The following GSG1L variants were observed in gnomAD, a reference collection of about 807,000 sequenced individuals.
GSG1L encodes GSG1 like, also known as germ cell-specific gene 1-like protein.
Under a neutral mutation model 42.1 loss-of-function variants are expected in GSG1L, and 24 were observed. That is an observed-to-expected ratio of 0.57 (90% CI 0.41 to 0.80). GSG1L has a LOEUF of 0.80. GSG1L is among the 30% of genes least tolerant of loss of function. The pLI is 0.00. For synonymous variants in GSG1L, 215 were observed against 203.5 expected, an observed-to-expected ratio of 1.06 and a Z score of -0.48; for missense variants, 445 against 472.2, an observed-to-expected ratio of 0.94 and a Z score of 0.53.
At chr16:27,943,028 G>A (rs1431662614) in intron 2 of GSG1L, among the ~76,000 whole-genome samples, 1 of 152,116 alleles carries the variant, frequency 6.6e-6, no homozygotes, top group African/African-American at 2.4e-5. Context: ...TGGGACTTGA[G>A]AATTTGCAGA....
intron 1 of GSG1L, among the ~76,000 whole-genome samples, chr16:28,060,639 C>T (rs541685675): frequency 2.0e-5 from 3 of 152,292 alleles, no homozygotes; most frequent in East Asian, 3.9e-4. Flanking sequence ...TCCGCGATCC[C>T]TTCACTCTGA....
intron 6 of GSG1L, among the ~76,000 whole-genome samples, chr16:27,791,701 T>C (rs191018463): frequency 3.3e-4 from 50 of 152,116 alleles, no homozygotes; most frequent in African/African-American, 1.1e-3. Flanking sequence ...CCTAGTCATG[T>C]ATCTGCCAAT....
chr16:27,837,618 C>T (rs752538171), intron 4 of GSG1L, among the ~76,000 whole-genome samples: 5 of 152,364 alleles, frequency 3.3e-5, no homozygotes. Context: ...GACACAATCC[C>T]TGCAGGGAGA....
chr16:27,892,901 T>G (rs2084145504), intron 2 of GSG1L, among the ~76,000 whole-genome samples: 1 of 152,080 alleles, frequency 6.6e-6, no homozygotes, highest in Admixed American at 6.6e-5. Flanking sequence ...TAATTAAACA[T>G]TCGGGAACCA....
chr16:28,029,759 G>A (rs1011853042), intron 1 of GSG1L, among the ~76,000 whole-genome samples: 4 of 152,206 alleles, frequency 2.6e-5, no homozygotes, highest in Admixed American at 1.3e-4. Flanking sequence ...ATGGATGATG[G>A]ATGAGCAATG....
chr16:27,928,697 C>T (rs2084624310), intron 2 of GSG1L, among the ~76,000 whole-genome samples: 1 of 152,158 alleles, frequency 6.6e-6, no homozygotes, highest in Non-Finnish European at 1.5e-5. Context: ...GCCAAGCAGG[C>T]CCAGGCCTCG....
chr16:27,934,204 A>T (rs1425139091), intron 2 of GSG1L, among the ~76,000 whole-genome samples: 2 of 152,206 alleles, frequency 1.3e-5, no homozygotes, highest in East Asian at 1.9e-4. Flanking sequence ...ATAAATGTAC[A>T]GGGCAGGAAA....
chr16:27,984,259 G>A (rs184105360), intron 1 of GSG1L, among the ~76,000 whole-genome samples: 12 of 152,264 alleles, frequency 7.9e-5, no homozygotes, highest in Non-Finnish European at 1.6e-4. Context: ...CCTTGGAGGT[G>A]GGTTTGCATA....
At chr16:27,994,496 G>C (rs1477937473) in intron 1 of GSG1L, among the ~76,000 whole-genome samples, 2 of 152,076 alleles carry the variant, frequency 1.3e-5, no homozygotes, top group African/African-American at 2.4e-5. Flanking sequence ...CAAAAAGAAA[G>C]AAAGACCACA....
At chr16:28,010,085 G>A (rs1337087131) in intron 1 of GSG1L, among the ~76,000 whole-genome samples, 1 of 152,182 alleles carries the variant, frequency 6.6e-6, no homozygotes, top group Non-Finnish European at 1.5e-5. Flanking sequence ...GGCTTTGCAC[G>A]CGTGAGGAAG....
intron 5 of GSG1L, among the ~76,000 whole-genome samples, chr16:27,810,535 C>T (rs1883070873): frequency 6.6e-6 from 1 of 152,106 alleles, no homozygotes; most frequent in African/African-American, 2.4e-5. Context: ...AGGGGCTAGG[C>T]CTGTACTTCC....
At chr16:27,960,135 G>A (rs550278560) in intron 2 of GSG1L, among the ~76,000 whole-genome samples, 3 of 152,270 alleles carry the variant, frequency 2.0e-5, no homozygotes, top group Admixed American at 2.0e-4. Flanking sequence ...CCAGGTGGGA[G>A]GAGCTGGAGG....
chr16:27,891,349 C>T (rs961054084), intron 2 of GSG1L, among the ~76,000 whole-genome samples: 3 of 152,146 alleles, frequency 2.0e-5, no homozygotes, highest in Non-Finnish European at 4.4e-5. Flanking sequence ...GCTAATAGGT[C>T]CTTAACACCT....
chr16:27,839,974 G>C (rs1709794), intron 4 of GSG1L, among the ~76,000 whole-genome samples: 10 of 151,706 alleles, frequency 6.6e-5, no homozygotes, highest in Admixed American at 6.6e-4. Flanking sequence ...CAGGCAACTC[G>C]GGGCTTGTAA....
At chr16:27,803,035 C>T (rs1026573800) in intron 6 of GSG1L, among the ~76,000 whole-genome samples, 1 of 152,024 alleles carries the variant, frequency 6.6e-6, no homozygotes, top group African/African-American at 2.4e-5. Context: ...AAACTCCACA[C>T]AGACAAAGCA....
chr16:27,883,253 T>C (rs1285814041), intron 3 of GSG1L, among the ~76,000 whole-genome samples: 1 of 117,124 alleles, frequency 8.5e-6, no homozygotes, highest in Non-Finnish European at 1.8e-5. Flanking sequence ...AGTAAATAAA[T>C]AAAAGATGGA....
Position 27,796,286 on chromosome 16 carries a change from G to A in GSG1L, c.899-4819C>T, listed in dbSNP as rs557055298. Among the ~76,000 whole-genome samples the A allele has an allele frequency of 4.6e-5, 7 of 152,316 alleles. 1 individual carries two copies. The South Asian group carries it at 1.4e-3, about 32-fold the overall frequency. Reference sequence around the variant, plus strand: ...AACCTTGACCTCTGCCCTCCAGAAAGAAAGGAAGCTTGAAGAGTGGTGGAA... The same window carrying A: ...AACCTTGACCTCTGCCCTCCAGAAAAAAAGGAAGCTTGAAGAGTGGTGGAA... On this transcript the variant is annotated intron_variant, in intron 6 of 6. Coordinates refer to ENST00000447459, the MANE Select transcript of GSG1L (RefSeq NM_001109763.2).
intron 3 of GSG1L, among the ~76,000 whole-genome samples, chr16:27,872,249 T>C (rs1488456189): frequency 1.3e-5 from 2 of 152,106 alleles, no homozygotes; most frequent in East Asian, 3.9e-4. Context: ...CGTACTGAAG[T>C]TACCAGCCTC....
chr16:27,917,309 A>C (rs2084468864), intron 2 of GSG1L, among the ~76,000 whole-genome samples: 1 of 151,316 alleles, frequency 6.6e-6, no homozygotes, highest in Admixed American at 6.6e-5. Flanking sequence ...CAAATGTAGA[A>C]GAGGCAGTGA....
Sources: allele counts gnomAD v4.1 joint callset (sites outside exome capture counted in the v4.1 genomes callset), GRCh38; gene constraint gnomAD v4.1.1; transcripts MANE v1.5; gene names NCBI Gene and HGNC (gene_info 2026-07-23, HGNC 2026-07-21).